The following ANKRD30B variants were observed in gnomAD, a reference collection of about 807,000 sequenced individuals.
ANKRD30B encodes ankyrin repeat domain 30B, also known as ankyrin repeat domain-containing protein 30B.
ANKRD30B carries 144 observed loss-of-function variants against 202.2 expected under a neutral mutation model. The observed-to-expected ratio is 0.71, with a 90% confidence interval of 0.62 to 0.82. The LOEUF is 0.82. Ranked by LOEUF, ANKRD30B falls within the 40% of genes least tolerant of loss-of-function variation. ANKRD30B has a pLI of 0.00. For missense variants in ANKRD30B, 1,487 were observed against 1,669.1 expected, an observed-to-expected ratio of 0.89 and a Z score of 1.90; for synonymous variants, 508 against 561.3, an observed-to-expected ratio of 0.91 and a Z score of 1.34.
At chr18:14,831,162 A>C (rs1309544922) in intron 33 of ANKRD30B, among the ~76,000 whole-genome samples, 2 of 121,810 alleles carry the variant, frequency 1.6e-5, no homozygotes, top group East Asian at 5.2e-4. Flanking sequence ...TCTGGGCGAC[A>C]GAGCGAGACT....
intron 14 of ANKRD30B, 150 bp from the exon 15 acceptor site, chr18:14,786,889 A>G (rs1218492623): frequency 1.1e-5 from 7 of 651,680 alleles, no homozygotes; most frequent in South Asian, 5.1e-5. Context: ...TGGAGTGACT[A>G]TAGAAGTAGT....
chr18:14,900,678 T>C, the ANKRD30B span, among the ~76,000 whole-genome samples: 1 of 152,186 alleles, frequency 6.6e-6, no homozygotes, highest in African/African-American at 2.4e-5. Flanking sequence ...TGTTACAGCT[T>C]AATGTGGCCA....
At chr18:14,916,487 C>G in the ANKRD30B span, among the ~76,000 whole-genome samples, 1 of 151,758 alleles carries the variant, frequency 6.6e-6, no homozygotes, top group African/African-American at 2.4e-5. Flanking sequence ...AGGGAGATGC[C>G]TCCAGCTGGA....
chr18:14,896,965 CAA>C, the ANKRD30B span, among the ~76,000 whole-genome samples: 165 of 108,016 alleles, frequency 1.5e-3, 1 homozygote, highest in East Asian at 0.017. Flanking sequence ...ATGCCAATTG[CAA>C]AAAAAAAAAA....
At chr18:14,830,396 C>A (rs1970857279) in intron 33 of ANKRD30B, among the ~76,000 whole-genome samples, 1 of 151,962 alleles carries the variant, frequency 6.6e-6, no homozygotes, top group Admixed American at 6.6e-5. Context: ...GTTAGACTTT[C>A]TTACTTTTAA....
chr18:14,931,632 G>T, the ANKRD30B span, among the ~76,000 whole-genome samples: 1 of 152,274 alleles, frequency 6.6e-6, no homozygotes, highest in Non-Finnish European at 1.5e-5. Context: ...GGGCCTCAGT[G>T]CTCCCTGCGC....
intron 32 of ANKRD30B, among the ~76,000 whole-genome samples, chr18:14,826,359 A>C (rs1260179896): frequency 6.6e-6 from 1 of 152,198 alleles, no homozygotes; most frequent in African/African-American, 2.4e-5. Flanking sequence ...CTGAAAAGTC[A>C]ATTGGATTTA....
At chr18:14,877,856 G>C in the ANKRD30B span, 13 of 152,214 alleles carry the variant, frequency 8.5e-5, no homozygotes, top group Admixed American at 8.5e-4. Context: ...TGGCTTTGTG[G>C]GGTGAAGTCC....
the ANKRD30B span, among the ~76,000 whole-genome samples, chr18:14,894,886 C>A: frequency 1.0e-5 from 1 of 99,788 alleles, no homozygotes; most frequent in South Asian, 3.4e-4. Context: ...AAGAAAAAAA[C>A]CTAGTTAAAA....
chr18:14,873,645 A>G, the ANKRD30B span, among the ~76,000 whole-genome samples: 10 of 151,876 alleles, frequency 6.6e-5, no homozygotes, highest in African/African-American at 2.4e-4. Flanking sequence ...AGTTCTCTAA[A>G]CCCCCAATTC....
At chr18:14,840,856 CA>C (rs1971392378) in intron 37 of ANKRD30B, among the ~76,000 whole-genome samples, 178 bp downstream of exon 37, 1 of 151,754 alleles carries the variant, frequency 6.6e-6, no homozygotes, top group African/African-American at 2.4e-5. Flanking sequence ...TTGAGAGTGC[CA>C]AAAAAGAGCT....
the ANKRD30B span, among the ~76,000 whole-genome samples, chr18:14,925,728 T>A: frequency 2.0e-5 from 3 of 152,024 alleles, no homozygotes; most frequent in African/African-American, 7.2e-5. Context: ...AGGCTGGGGC[T>A]CCCAGGTGTC....
chr18:14,798,192 G>C (rs537206919), intron 20 of ANKRD30B, among the ~76,000 whole-genome samples: 1 of 148,456 alleles, frequency 6.7e-6, no homozygotes, highest in African/African-American at 2.5e-5. Context: ...CCGCCTTGTC[G>C]TCCCGTGGTG....
In ANKRD30B at chr18:14,817,361, T is replaced by G. The variant is rs2144091298; in HGVS notation, c.2641+2650T>G. 1.3e-5 allele frequency among the ~76,000 whole-genome samples: 2 copies of G among 152,300 alleles called. 1 individual carries two copies. The highest frequency in any genetic ancestry group is 4.1e-4 in the South Asian group (2 of 4,832). On this transcript the variant is annotated intron_variant, in intron 30 of 43. Transcript: ENST00000690538. ...ACTCTAAAAAACTCCAGTGTACACC[T>G]TTATAAAAATAAAAGTAATAAAAAA... is the stretch of plus-strand genomic sequence containing the variant.
At chr18:14,849,964 AAC>A (rs1319478261) in intron 40 of ANKRD30B, among the ~76,000 whole-genome samples, 1 of 151,690 alleles carries the variant, frequency 6.6e-6, no homozygotes, top group Non-Finnish European at 1.5e-5. Flanking sequence ...TCTTTTCCAT[AAC>A]AGTTGTCAAA....
the ANKRD30B span, among the ~76,000 whole-genome samples, chr18:14,901,323 G>A: frequency 2.0e-5 from 3 of 152,142 alleles, no homozygotes; most frequent in African/African-American, 7.2e-5. Flanking sequence ...AAGTATTCTT[G>A]AATGTAGGTT....
In ANKRD30B at chr18:14,795,362, G is replaced by A. The variant is rs947509288; in HGVS notation, c.1826-859G>A. On this transcript the variant is annotated intron_variant, in intron 16 of 43. Transcript: ENST00000690538. ...CAGGCATGTGCCACCATACCTGGAT[G>A]ATTTTTGTATTTTTTGTGGAGACAG... 2.0e-5 allele frequency among the ~76,000 whole-genome samples: 3 copies of A among 152,242 alleles called. No individual in the cohort carries two copies. The South Asian group carries it at 6.2e-4, about 32-fold the overall frequency.
Position 14,792,038 on chromosome 18 carries a change from A to G in ANKRD30B, c.1825+547A>G, listed in dbSNP as rs1968546827. 2.0e-5 allele frequency among the ~76,000 whole-genome samples: 3 copies of G among 152,292 alleles called. No homozygotes were observed. The South Asian group carries it at 6.2e-4, about 32-fold the overall frequency. On this transcript the variant is annotated intron_variant, in intron 16 of 43. Coordinates refer to ENST00000690538, the MANE Select transcript of ANKRD30B (RefSeq NM_001367607.2). ...TGGAGAGCTGTGTTCTATTTGCAATAGTTGAGAATAAGCATATATGCATGG... is the reference window on the plus strand; with the variant it reads ...TGGAGAGCTGTGTTCTATTTGCAATGGTTGAGAATAAGCATATATGCATGG...
the ANKRD30B span, among the ~76,000 whole-genome samples, chr18:14,936,556 C>A: frequency 6.6e-6 from 1 of 152,086 alleles, no homozygotes. Flanking sequence ...GGATGTGAAA[C>A]AAACATATAA....
Sources: gnomAD v4.1 joint callset for allele counts (sites outside exome capture counted in the v4.1 genomes callset) on GRCh38, gnomAD v4.1.1 for gene constraint, MANE v1.5 for transcripts, NCBI Gene and HGNC (gene_info 2026-07-23, HGNC 2026-07-21) for gene names.